The following HIVEP2 variants were observed in gnomAD, a reference collection of about 807,000 sequenced individuals.
The protein encoded by HIVEP2 is transcription factor HIVEP2.
HIVEP2 carries 14 observed loss-of-function variants against 180.7 expected under a neutral mutation model. That is an observed-to-expected ratio of 0.08 (90% CI 0.05 to 0.12). The LOEUF is 0.12. Among genes scored for constraint, HIVEP2 ranks in the 10% least tolerant of loss-of-function variants. The pLI, the probability that HIVEP2 is intolerant of heterozygous loss-of-function variation, is 1.00. For synonymous variants in HIVEP2, 1,184 were observed against 1,136.4 expected (o/e 1.04, Z -0.84); for missense variants, 2,579 against 3,008.5 (o/e 0.86, Z 3.34).
At chr6:142,871,161 T>A (rs1421142940) in intron 1 of HIVEP2, among the ~76,000 whole-genome samples, 1 of 152,320 alleles carries the variant, frequency 6.6e-6, no homozygotes, top group East Asian at 1.9e-4. Context: ...TACTGGTATG[T>A]TTGATGAGAT....
Position 142,883,943 on chromosome 6 carries a change from A to T in HIVEP2, c.-640-46896T>A, listed in dbSNP as rs147892827. 2.9e-3 allele frequency among the ~76,000 whole-genome samples: 438 copies of T among 152,290 alleles called. 1 individual carries two copies. Among genetic ancestry groups the T allele is most frequent in the African/African-American group, 0.01 (418 of 41,572 alleles). ...GGAAGGTTTTTCTTTTTTGTAGGTA[A>T]CATTTATAGTGACAGTCATTTTTCT... On this transcript the variant is annotated intron_variant, in intron 1 of 9. Coordinates refer to ENST00000367603, the MANE Select transcript of HIVEP2 (RefSeq NM_006734.4).
At chr6:142,852,732 G>A (rs891318631) in intron 1 of HIVEP2, among the ~76,000 whole-genome samples, 59 of 152,148 alleles carry the variant, frequency 3.9e-4, no homozygotes, top group Non-Finnish European at 7.4e-4. Context: ...TCACATTCTA[G>A]TTTAGGTAGA....
chr6:142,793,675 C>CTT lies in HIVEP2; in HGVS notation c.-527-10061_-527-10060insAA, dbSNP rs60365543. On this transcript the variant is annotated intron_variant, in intron 2 of 9. Coordinates refer to ENST00000367603, the MANE Select transcript of HIVEP2 (RefSeq NM_006734.4). ...TTCTTTCTTTTTTCTTTCTTTCTTT[C>CTT]TCTCTCTCTCTCTCTCTCTCTCTGT... Among the ~76,000 whole-genome samples, 374 of 122,798 alleles carry CTT rather than the reference C, an allele frequency of 3.0e-3. 3 individuals carry two copies. The highest frequency in any genetic ancestry group is 4.0e-3 in the African/African-American group (130 of 32,902). 80.6% of individuals were successfully genotyped at this position (122,798 alleles called of 152,430 possible).
intron 3 of HIVEP2, among the ~76,000 whole-genome samples, chr6:142,782,737 C>T (rs1775888520): frequency 6.6e-6 from 1 of 152,200 alleles, no homozygotes; most frequent in Admixed American, 6.5e-5. Flanking sequence ...ATATTTAAAG[C>T]CTAATGAGAA....
intron 1 of HIVEP2, among the ~76,000 whole-genome samples, chr6:142,857,871 CG>C (rs1775865267): frequency 6.6e-6 from 1 of 152,158 alleles, no homozygotes. Context: ...CACGGGGCTG[CG>C]GGCTGCTGTC....
rs778026786 is a variant in HIVEP2, at chr6:142,771,265, G to T, written c.3474C>A (p.Ile1158=). ...SGPLHLAQPQ[I]MHMDSQESLR... Reference sequence around the variant, plus strand: ...AAGATTCCTGACTGTCCATGTGCATGATCTGTGGCTGGGCCAGGTGCAGTG... The same window carrying T: ...AAGATTCCTGACTGTCCATGTGCATTATCTGTGGCTGGGCCAGGTGCAGTG... The change falls in exon 5 of 10, where the codon ATC becomes ATA. Residue 1158 remains isoleucine (I), a synonymous_variant. Coordinates refer to ENST00000367603, the MANE Select transcript of HIVEP2 (RefSeq NM_006734.4). The surrounding 1 kb of genome is among the most constrained non-coding windows in gnomAD (Gnocchi z 5.4). The T allele has an allele frequency of 1.7e-4, 269 of 1,613,870 alleles. 2 individuals carry two copies. The highest frequency in any genetic ancestry group is 2.2e-4 in the Non-Finnish European group (259 of 1,180,050).
chr6:142,770,795 TGAA>T lies in HIVEP2; in HGVS notation c.3941_3943del (p.Leu1314del), dbSNP rs1775515999. The T allele has an allele frequency of 1.9e-6, 3 of 1,614,212 alleles. No individual in the cohort carries two copies. Among genetic ancestry groups the T allele is most frequent in the African/African-American group, 1.3e-5 (1 of 75,058 alleles). Reference sequence around the variant, plus strand: ...AGCATTTGCCGAGGCAAAATCTTCTTGAAGAACCTGCTCAGAGGGCGTTTCAGT... The same window carrying T: ...AGCATTTGCCGAGGCAAAATCTTCTTGAACCTGCTCAGAGGGCGTTTCAGT... On this transcript the variant is annotated inframe_deletion, in exon 5 of 10. Transcript: ENST00000367603. This position sits in a 1 kb window ranked among gnomAD's most constrained non-coding sequence, Gnocchi z 4.7.
At chr6:142,797,942 C>T (rs984414882) in intron 2 of HIVEP2, among the ~76,000 whole-genome samples, 1 of 151,832 alleles carries the variant, frequency 6.6e-6, no homozygotes, top group Non-Finnish European at 1.5e-5. Flanking sequence ...TCTTTTTTGC[C>T]AGAAACTTAG....
chr6:142,905,364 G>T (rs76182846), intron 1 of HIVEP2, among the ~76,000 whole-genome samples: 3,208 of 152,120 alleles, frequency 0.021, 105 homozygotes, highest in African/African-American at 0.066. Context: ...AACCAACAAG[G>T]CATGATTTAG....
intron 9 of HIVEP2, among the ~76,000 whole-genome samples, chr6:142,759,158 C>G (rs892491834): frequency 6.6e-6 from 1 of 151,878 alleles, no homozygotes; most frequent in Non-Finnish European, 1.5e-5. Flanking sequence ...CAAAAATTAG[C>G]CAGGTGTGGT....
intron 9 of HIVEP2, among the ~76,000 whole-genome samples, chr6:142,759,379 T>C (rs1775161197): frequency 6.6e-6 from 1 of 152,184 alleles, no homozygotes; most frequent in Non-Finnish European, 1.5e-5. Flanking sequence ...TCAGAATCCT[T>C]ACCTGGTGAT....
intron 1 of HIVEP2, among the ~76,000 whole-genome samples, chr6:142,881,484 T>G (rs192161597): frequency 9.7e-4 from 147 of 152,228 alleles, no homozygotes; most frequent in African/African-American, 3.2e-3. Flanking sequence ...GTTATTAGAG[T>G]ACATTCCTGT....
chr6:142,769,206 A>C (rs1426202913), intron 5 of HIVEP2, among the ~76,000 whole-genome samples: 1 of 152,160 alleles, frequency 6.6e-6, no homozygotes, highest in Non-Finnish European at 1.5e-5. Context: ...TGAATTCCTC[A>C]CATCCAGAGA....
intron 6 of HIVEP2, among the ~76,000 whole-genome samples, chr6:142,766,500 C>A (rs184617942): frequency 1.3e-5 from 2 of 152,150 alleles, no homozygotes; most frequent in African/African-American, 4.8e-5. Context: ...GACATATAGA[C>A]TAAAACAAAT....
In HIVEP2 at chr6:142,773,310, G is replaced by T; in HGVS notation, c.1429C>A (p.Gln477Lys). ...ACATCTCCCTTGCTTGGGATCAGCTGTGAAACAGGATCTTCAAACATCTTG... is the reference window on the plus strand; with the variant it reads ...ACATCTCCCTTGCTTGGGATCAGCTTTGAAACAGGATCTTCAAACATCTTG... Reference protein sequence around the residue: ...DVKMFEDPVSQLIPSKGDVDP... With the variant: ...DVKMFEDPVSKLIPSKGDVDP... The change falls in exon 5 of 10, where the codon CAG becomes AAG. Residue 477 changes from glutamine to lysine, a missense_variant. Physicochemically the swap from Gln to Lys is moderately conservative, Grantham distance 53 (BLOSUM62 1). Coordinates refer to ENST00000367603, the MANE Select transcript of HIVEP2 (RefSeq NM_006734.4). 6.2e-7 allele frequency: 1 copy of T among 1,614,184 alleles called. No individual in the cohort carries two copies. Among genetic ancestry groups the T allele is most frequent in the Non-Finnish European group, 8.5e-7 (1 of 1,180,042 alleles).
At chr6:142,832,688 A>G (rs1238123352) in intron 2 of HIVEP2, among the ~76,000 whole-genome samples, 1 of 152,242 alleles carries the variant, frequency 6.6e-6, no homozygotes, top group Non-Finnish European at 1.5e-5. Context: ...ATATCCAATT[A>G]AAGGATTTAT....
At position 142,944,007 on chromosome 6, in the gene HIVEP2, C is replaced by G. The variant is rs144119228; in HGVS notation, c.-641+1092G>C. On this transcript the variant is annotated intron_variant, in intron 1 of 9. Coordinates refer to ENST00000367603, the MANE Select transcript of HIVEP2 (RefSeq NM_006734.4). Reference sequence around the variant, plus strand: ...CGCACTCCCGAGGTTAAAGTGCCCCCGTTCCCTTGGTGTAGCTAGTTACAA... The same window carrying G: ...CGCACTCCCGAGGTTAAAGTGCCCCGGTTCCCTTGGTGTAGCTAGTTACAA... 3.8e-3 allele frequency among the ~76,000 whole-genome samples: 581 copies of G among 152,330 alleles called. 6 individuals are homozygous for G. Among genetic ancestry groups the G allele is most frequent in the African/African-American group, 0.013 (523 of 41,564 alleles).
intron 1 of HIVEP2, among the ~76,000 whole-genome samples, chr6:142,918,622 A>G (rs1777617867): frequency 6.6e-6 from 1 of 152,186 alleles, no homozygotes; most frequent in African/African-American, 2.4e-5. Flanking sequence ...GATACCCTGA[A>G]GCACAGCTGT....
At chr6:142,819,806 G>C in intron 2 of HIVEP2, among the ~76,000 whole-genome samples, 1 of 152,132 alleles carries the variant, frequency 6.6e-6, no homozygotes, top group East Asian at 1.9e-4. Context: ...AATAAAATTA[G>C]ATAGGTGAGT....
Sources: gnomAD v4.1 joint callset for allele counts (sites outside exome capture counted in the v4.1 genomes callset) on GRCh38, gnomAD v4.1.1 for gene constraint, Gnocchi (gnomAD v3.1) non-coding constraint, MANE v1.5 for transcripts, NCBI Gene and HGNC (gene_info 2026-07-23, HGNC 2026-07-21) for gene names.